The following CENPC variants were observed in gnomAD, a reference collection of about 807,000 sequenced individuals.
The protein encoded by CENPC is CENP-C 1.
CENPC carries 63 observed loss-of-function variants against 112.1 expected under a neutral mutation model. The observed-to-expected ratio is 0.56, with a 90% CI of 0.46 to 0.69. CENPC has a LOEUF of 0.69. CENPC is among the 30% of genes least tolerant of loss of function. The pLI is 0.00. For missense variants in CENPC, 1,000 were observed against 1,103.8 expected, an observed-to-expected ratio of 0.91 and a Z score of 1.33; for synonymous variants, 333 against 367.6, an observed-to-expected ratio of 0.91 and a Z score of 1.08.
chr4:67,489,483 C>A (rs907342838), intron 17 of CENPC, among the ~76,000 whole-genome samples: 1 of 151,874 alleles, frequency 6.6e-6, no homozygotes, highest in Non-Finnish European at 1.5e-5. Flanking sequence ...TTACTTTTTT[C>A]TCAGGTTACT....
At chr4:67,488,921 A>T (rs1405781853) in intron 17 of CENPC, among the ~76,000 whole-genome samples, 1 of 151,864 alleles carries the variant, frequency 6.6e-6, no homozygotes, top group African/African-American at 2.4e-5. Context: ...CTTCTTTGTT[A>T]ATATAAACTC....
Position 67,514,600 on chromosome 4 carries a change from A to T in CENPC, c.918T>A (p.Asp306Glu). 6.2e-7 allele frequency: 1 copy of T among 1,608,208 alleles called. No individual in the cohort carries two copies. Among genetic ancestry groups the T allele is most frequent in the Non-Finnish European group, 8.5e-7 (1 of 1,177,248 alleles). The change falls in exon 8 of 19, where the codon GAT (aspartate) becomes GAA (glutamate). Residue 306 changes from aspartate to glutamate, a missense_variant. Coordinates refer to ENST00000273853, the MANE Select transcript of CENPC (RefSeq NM_001812.4). ...TKLIEDEFII[D>E]ESDQSFASRS... ...TACTGGCAAAACTTTGATCCGACTCATCAATTATAAATTCATCCTCTATCA... is the reference window on the plus strand; with the variant it reads ...TACTGGCAAAACTTTGATCCGACTCTTCAATTATAAATTCATCCTCTATCA...
chr4:67,501,330 C>T (rs1332556942), intron 12 of CENPC, among the ~76,000 whole-genome samples: 1 of 152,042 alleles, frequency 6.6e-6, no homozygotes, highest in Non-Finnish European at 1.5e-5. Context: ...AAACAAAAAA[C>T]AAAAGCATCA....
intron 9 of CENPC, 83 bp downstream of exon 9, chr4:67,512,319 T>C (rs758704668): frequency 2.7e-5 from 26 of 979,338 alleles, no homozygotes; most frequent in African/African-American, 3.3e-5. Flanking sequence ...ATATTCTCTA[T>C]ATAGAAATAT....
intron 5 of CENPC, among the ~76,000 whole-genome samples, chr4:67,528,302 G>T (rs1167022012): frequency 6.6e-6 from 1 of 152,068 alleles, no homozygotes. Context: ...CAGGAGACAG[G>T]CTTTATTAAA....
chr4:67,484,090 T>C (rs943133348), intron 17 of CENPC, among the ~76,000 whole-genome samples: 3 of 152,224 alleles, frequency 2.0e-5, no homozygotes, highest in Non-Finnish European at 4.4e-5. Flanking sequence ...CTTCCAGTCC[T>C]GAAAGCTCCA....
intron 4 of CENPC, among the ~76,000 whole-genome samples, chr4:67,537,230 T>C (rs996659459): frequency 1.3e-5 from 2 of 152,188 alleles, no homozygotes; most frequent in African/African-American, 4.8e-5. Context: ...ATAGAAAATC[T>C]AAATTGTCTA....
At chr4:67,484,667 G>A (rs946405724) in intron 17 of CENPC, among the ~76,000 whole-genome samples, 1 of 152,146 alleles carries the variant, frequency 6.6e-6, no homozygotes, top group Non-Finnish European at 1.5e-5. Flanking sequence ...CCAGTCCTTG[G>A]TGCCAAAAAG....
At chr4:67,491,918 G>A (rs1316619325) in intron 16 of CENPC, among the ~76,000 whole-genome samples, 1 of 152,128 alleles carries the variant, frequency 6.6e-6, no homozygotes, top group Non-Finnish European at 1.5e-5. Flanking sequence ...CCCTGTTGGG[G>A]GAGACGACAT....
chr4:67,508,884 A>T lies in CENPC; in HGVS notation c.1834T>A (p.Cys612Ser). ...GIVGHDEISR[C>S]SLSEPLESDE... Reference sequence around the variant, plus strand: ...CTTTCCAATGGCTCACTCAGCGAACATCTGGAAATTTCATCATGACCAACG... The same window carrying T: ...CTTTCCAATGGCTCACTCAGCGAACTTCTGGAAATTTCATCATGACCAACG... Residue 612 changes from cysteine (C) to serine (S), a missense_variant, in exon 10 of 19, where the codon TGT becomes AGT. By Grantham distance (112) the Cys-to-Ser change is moderately radical (BLOSUM62 -1). Transcript: ENST00000273853. The T allele has an allele frequency of 6.2e-7, 1 of 1,613,692 alleles. No individual in the cohort carries two copies. Among genetic ancestry groups the T allele is most frequent in the Non-Finnish European group, 8.5e-7 (1 of 1,179,764 alleles).
intron 4 of CENPC, among the ~76,000 whole-genome samples, chr4:67,533,158 A>AGG (rs1021537536): frequency 6.6e-6 from 1 of 152,184 alleles, no homozygotes; most frequent in African/African-American, 2.4e-5. Flanking sequence ...GAAGGCGCCC[A>AGG]GGGGGAGACA....
At chr4:67,532,951 T>C (rs1164162638) in intron 4 of CENPC, among the ~76,000 whole-genome samples, 3 of 152,220 alleles carry the variant, frequency 2.0e-5, no homozygotes, top group Admixed American at 6.5e-5. Flanking sequence ...TTCAACTATA[T>C]GTCAAATCTC....
At chr4:67,493,539 C>T (rs1394367273) in intron 14 of CENPC, 9 of 217,402 alleles carry the variant, frequency 4.1e-5, no homozygotes, top group South Asian at 7.1e-5. Flanking sequence ...GCCCACCCTA[C>T]ACTACTTTGT....
rs1036322945 is a variant in CENPC, at chr4:67,540,908, T to G, written c.136+72A>C. 9 of 1,048,230 alleles carry G rather than the reference T, an allele frequency of 8.6e-6. No individual in the cohort carries two copies. The Admixed American group carries it at 8.6e-5, about 10-fold the overall frequency. The allele number at this position is 1,048,230 out of a possible 1,614,324, so 64.9% of individuals were successfully genotyped here. On this transcript the variant is annotated intron_variant, in intron 3 of 18. Coordinates refer to ENST00000273853, the MANE Select transcript of CENPC (RefSeq NM_001812.4). Reference sequence around the variant, plus strand: ...CCTAGAACATATTTGCTGCATTTGATATTAATTACCATGACAAATTCATAT... The same window carrying G: ...CCTAGAACATATTTGCTGCATTTGAGATTAATTACCATGACAAATTCATAT...
chr4:67,512,322 A>G (rs1213430095), intron 9 of CENPC, 80 bp downstream of exon 9: 1 of 1,016,846 alleles, frequency 9.8e-7, no homozygotes, highest in Non-Finnish European at 1.4e-6. Flanking sequence ...TTCTCTATAT[A>G]GAAATATAAA....
chr4:67,511,324 T>C (rs988968693), intron 9 of CENPC, among the ~76,000 whole-genome samples: 6 of 152,212 alleles, frequency 3.9e-5, no homozygotes, highest in Non-Finnish European at 8.8e-5. Flanking sequence ...TACAATGCCA[T>C]AGTTGTACTA....
intron 8 of CENPC, among the ~76,000 whole-genome samples, chr4:67,513,186 C>T (rs932591781): frequency 2.6e-5 from 4 of 152,094 alleles, no homozygotes. Flanking sequence ...AAGAAACAGA[C>T]TTCCTCCCAG....
intron 17 of CENPC, among the ~76,000 whole-genome samples, chr4:67,482,407 CAGA>C (rs1560419418): frequency 6.6e-6 from 1 of 152,144 alleles, no homozygotes; most frequent in African/African-American, 2.4e-5. Flanking sequence ...GGTACCTACT[CAGA>C]AGAAAAGTGA....
intron 17 of CENPC, among the ~76,000 whole-genome samples, chr4:67,483,204 A>T (rs2109766466): frequency 6.6e-6 from 1 of 152,272 alleles, no homozygotes; most frequent in South Asian, 2.1e-4. Flanking sequence ...GCAGTTCTTT[A>T]TAGGAGTATG....
Sources: allele counts gnomAD v4.1 joint callset (sites outside exome capture counted in the v4.1 genomes callset), GRCh38; gene constraint gnomAD v4.1.1; transcripts MANE v1.5; gene names NCBI Gene and HGNC (gene_info 2026-07-23, HGNC 2026-07-21).